Variants in ANKS1B observed in about 807,000 individuals in gnomAD.
ANKS1B encodes ankyrin repeat and sterile alpha motif domain-containing protein 1B.
Under a neutral mutation model 148.3 loss-of-function variants are expected in ANKS1B, and 36 were observed. The observed-to-expected ratio is 0.24, with a 90% CI of 0.19 to 0.32. The LOEUF is 0.32. Ranked by LOEUF, ANKS1B falls within the 10% of genes least tolerant of loss-of-function variation. ANKS1B has a pLI of 1.00. For missense variants in ANKS1B, 1,157 were observed against 1,542.6 expected (o/e 0.75, Z 4.19); for synonymous variants, 542 against 560.8 (o/e 0.97, Z 0.47).
intron 17 of ANKS1B, among the ~76,000 whole-genome samples, chr12:98,868,530 C>T (rs1450913472): frequency 6.6e-6 from 1 of 152,118 alleles, no homozygotes; most frequent in Non-Finnish European, 1.5e-5. Context: ...CAAGGTGTTT[C>T]CCAAGTTATC....
rs12580948 is a variant in ANKS1B, at chr12:99,390,491, C to A, written c.1756+9140G>T. Among the ~76,000 whole-genome samples, 583 of 152,276 alleles carry A rather than the reference C, an allele frequency of 3.8e-3. 37 individuals are homozygous for A. The East Asian group carries it at 0.086, about 23-fold the overall frequency. On this transcript the variant is annotated intron_variant, in intron 12 of 26. Coordinates refer to ENST00000683438, the MANE Select transcript of ANKS1B (RefSeq NM_001352186.2). ...TACCAGCTTCTGGAGAATTTCAAAA[C>A]GGAAAAGGCTGAATGAGATGGGGAG...
intron 8 of ANKS1B, among the ~76,000 whole-genome samples, chr12:99,731,413 C>CGTGTGT (rs71088145): frequency 0.028 from 3,957 of 143,608 alleles, 62 homozygotes; most frequent in Admixed American, 0.035. Flanking sequence ...ACCACCGTGC[C>CGTGTGT]GTGTGTGTGT....
chr12:99,400,301 C>T (rs2094368535), intron 11 of ANKS1B, among the ~76,000 whole-genome samples: 1 of 145,688 alleles, frequency 6.9e-6, no homozygotes, highest in South Asian at 2.1e-4. Context: ...TTCCCAAGTA[C>T]AAGATGCTGG....
chr12:99,621,393 T>A (rs970959494), intron 9 of ANKS1B, among the ~76,000 whole-genome samples: 10 of 150,178 alleles, frequency 6.7e-5, no homozygotes, highest in African/African-American at 2.5e-4. Context: ...AAACCTCACA[T>A]ACCAATATTA....
intron 9 of ANKS1B, among the ~76,000 whole-genome samples, chr12:99,646,464 T>G (rs1027218438): frequency 1.3e-5 from 2 of 151,986 alleles, no homozygotes; most frequent in African/African-American, 4.8e-5. Context: ...GAGACCAGCC[T>G]GAGCAATATG....
intron 12 of ANKS1B, among the ~76,000 whole-genome samples, chr12:99,268,501 A>G (rs953958593): frequency 6.6e-6 from 1 of 152,080 alleles, no homozygotes. Context: ...TGCCTATGTC[A>G]CCTTGGCCTC....
chr12:99,731,889 C>A (rs548514252), intron 8 of ANKS1B, among the ~76,000 whole-genome samples: 1 of 152,012 alleles, frequency 6.6e-6, no homozygotes, highest in African/African-American at 2.4e-5. Flanking sequence ...CCAAAGACTA[C>A]GAGAATAACT....
chr12:98,827,324 G>A (rs994683106), intron 19 of ANKS1B, among the ~76,000 whole-genome samples: 1 of 152,204 alleles, frequency 6.6e-6, no homozygotes, highest in African/African-American at 2.4e-5. Context: ...GAGCCTGTGT[G>A]TCTAGCAGTC....
chr12:99,675,472 C>T (rs1304934674), intron 8 of ANKS1B, among the ~76,000 whole-genome samples: 1 of 151,486 alleles, frequency 6.6e-6, no homozygotes, highest in Non-Finnish European at 1.5e-5. Flanking sequence ...GTATAATAAA[C>T]CCTAGGAGGA....
rs921178129 is a variant in ANKS1B, at chr12:99,458,201, T to G, written c.1439-14392A>C. Reference sequence around the variant, plus strand: ...TACTGCATAAACAATGAAATCAATATGAAAATTAAAAAATTTACACTGAAC... The same window carrying G: ...TACTGCATAAACAATGAAATCAATAGGAAAATTAAAAAATTTACACTGAAC... On this transcript the variant is annotated intron_variant, in intron 10 of 26. Transcript: ENST00000683438. Among the ~76,000 whole-genome samples the G allele has an allele frequency of 2.0e-5, 3 of 152,040 alleles. No homozygotes were observed. In the East Asian group the frequency reaches 5.8e-4, roughly 29 times the overall value.
Position 99,223,917 on chromosome 12 carries a change from C to A in ANKS1B, c.2419+20425G>T, listed in dbSNP as rs371870924. ...CTGTATTTCTGCACTCATGAGTGAGCACTTCGTTGTCATACTTCATTGTCC... is the reference window on the plus strand; with the variant it reads ...CTGTATTTCTGCACTCATGAGTGAGAACTTCGTTGTCATACTTCATTGTCC... On this transcript the variant is annotated intron_variant, in intron 14 of 26. Transcript: ENST00000683438. Among the ~76,000 whole-genome samples, 3 of 152,308 alleles carry A rather than the reference C, an allele frequency of 2.0e-5. No homozygotes were observed. The East Asian group carries it at 5.8e-4, about 29-fold the overall frequency.
chr12:98,939,808 C>T (rs2099833512), intron 17 of ANKS1B, among the ~76,000 whole-genome samples: 1 of 152,182 alleles, frequency 6.6e-6, no homozygotes, highest in African/African-American at 2.4e-5. Flanking sequence ...GACACCTGGA[C>T]CTGTAAAAGG....
intron 12 of ANKS1B, among the ~76,000 whole-genome samples, chr12:99,364,793 C>T (rs2092680269): frequency 6.6e-6 from 1 of 152,204 alleles, no homozygotes; most frequent in Non-Finnish European, 1.5e-5. Context: ...CACTGCATTA[C>T]TGATTGCATT....
At chr12:99,789,134 C>T (rs977174288) in intron 4 of ANKS1B, among the ~76,000 whole-genome samples, 5 of 152,158 alleles carry the variant, frequency 3.3e-5, no homozygotes, top group Admixed American at 2.0e-4. Context: ...TTTGCATCAC[C>T]ACACCCCCAG....
At chr12:99,135,825 G>C (rs573910843) in intron 15 of ANKS1B, among the ~76,000 whole-genome samples, 29 of 152,302 alleles carry the variant, frequency 1.9e-4, no homozygotes, top group Non-Finnish European at 3.8e-4. Context: ...TTCAATGGAG[G>C]ACTGCAATGA....
intron 1 of ANKS1B, among the ~76,000 whole-genome samples, chr12:99,897,325 C>G (rs1343228790): frequency 1.3e-5 from 2 of 151,064 alleles, no homozygotes; most frequent in African/African-American, 4.8e-5. Flanking sequence ...AAAATTGTTA[C>G]TTTCATTGTA....
At chr12:98,787,237 T>C (rs777029297) in intron 22 of ANKS1B, among the ~76,000 whole-genome samples, 4 of 152,178 alleles carry the variant, frequency 2.6e-5, no homozygotes, top group Non-Finnish European at 5.9e-5. Context: ...CAATCAGCAA[T>C]TTGAAATGAA....
chr12:99,166,732 G>A (rs2153833909), intron 14 of ANKS1B, among the ~76,000 whole-genome samples: 1 of 152,124 alleles, frequency 6.6e-6, no homozygotes, highest in African/African-American at 2.4e-5. Context: ...AATCCCAGCA[G>A]GTGCTTTGTT....
chr12:98,815,866 T>C (rs2153644736), intron 19 of ANKS1B, among the ~76,000 whole-genome samples: 1 of 152,298 alleles, frequency 6.6e-6, no homozygotes, highest in South Asian at 2.1e-4. Flanking sequence ...CTGTTATCCT[T>C]GCCTCCTTAG....
Sources: allele counts gnomAD v4.1 joint callset (sites outside exome capture counted in the v4.1 genomes callset), GRCh38; gene constraint gnomAD v4.1.1; transcripts MANE v1.5; gene names NCBI Gene and HGNC (gene_info 2026-07-23, HGNC 2026-07-21).